The following CLN6 variants were observed in gnomAD, a reference collection of about 807,000 sequenced individuals.
CLN6 encodes the protein ceroid-lipofuscinosis neuronal protein 6.
Under a neutral mutation model 33.3 loss-of-function variants are expected in CLN6, and 22 were observed. The observed-to-expected ratio is 0.66, with a 90% CI of 0.47 to 0.94. The LOEUF (loss-of-function observed/expected upper bound fraction) is 0.94. CLN6 is among the 40% of genes least tolerant of loss of function. The pLI is 0.00. For missense variants in CLN6, 387 were observed against 417.1 expected (o/e 0.93, Z 0.63); for synonymous variants, 201 against 174.6 (o/e 1.15, Z -1.19).
In CLN6 at chr15:68,219,718, T is replaced by C. The variant is rs972515407; in HGVS notation, c.84-1068A>G. Among the ~76,000 whole-genome samples the C allele has an allele frequency of 1.3e-4, 20 of 151,918 alleles. No individual in the cohort carries two copies. The highest frequency in any genetic ancestry group is 4.4e-5 in the Non-Finnish European group (3 of 67,952). ...TCGAGAACAGGGGTGACCTTTAAGG[T>C]TCTCCCAACTCACCCACCTCCCTAT... On this transcript the variant is annotated intron_variant, in intron 1 of 6. Transcript: ENST00000249806. The surrounding 1 kb of genome is among the most constrained non-coding windows in gnomAD (Gnocchi z 4.2).
At chr15:68,231,607 C>T (rs1365119005), upstream of CLN6, among the ~76,000 whole-genome samples, 1 of 152,268 alleles carries the variant, frequency 6.6e-6, no homozygotes, top group African/African-American at 2.4e-5. Context: ...CCCATGATGT[C>T]ATCATCGATT....
chr15:68,231,208 T>A (rs1319715254), upstream of CLN6, among the ~76,000 whole-genome samples: 1 of 152,162 alleles, frequency 6.6e-6, no homozygotes, highest in Non-Finnish European at 1.5e-5. Flanking sequence ...TGGGAGTCAT[T>A]TTCCATCAGC....
Position 68,220,105 on chromosome 15 carries a change from C to T in CLN6, c.84-1455G>A, listed in dbSNP as rs1208306875. ...ATGATCCATACTGGCTGGTAGAGTA[C>T]CCCAGGACAGGGAGGCAAGCTCTTG... On this transcript the variant is annotated intron_variant, in intron 1 of 6. Coordinates refer to ENST00000249806, the MANE Select transcript of CLN6 (RefSeq NM_017882.3). This position sits in a 1 kb window ranked among gnomAD's most constrained non-coding sequence, Gnocchi z 4.2. Among the ~76,000 whole-genome samples the T allele has an allele frequency of 6.6e-6, 1 of 152,184 alleles. No individual in the cohort carries two copies. Among genetic ancestry groups the T allele is most frequent in the Non-Finnish European group, 1.5e-5 (1 of 68,028 alleles).
chr15:68,231,684 C>T (rs1387131470), upstream of CLN6, among the ~76,000 whole-genome samples: 4 of 152,244 alleles, frequency 2.6e-5, no homozygotes, highest in African/African-American at 9.6e-5. Context: ...GCCTCTCTAG[C>T]TCATTTAATC....
chr15:68,213,161 AT>A (rs2093210855), intron 3 of CLN6: 1 of 152,042 alleles, frequency 6.6e-6, no homozygotes, highest in Non-Finnish European at 1.5e-5. Context: ...ACCTCAAGTG[AT>A]CTGCCTGCCT....
rs1232407630 is a variant in CLN6, at chr15:68,214,092, T to C, written c.297+198A>G. 5 of 553,112 alleles carry C rather than the reference T, an allele frequency of 9.0e-6. 1 individual carries two copies. The highest frequency in any genetic ancestry group is 8.0e-5 in the South Asian group (4 of 49,784). The allele number at this position is 553,112 out of a possible 1,614,324, so 34.3% of individuals were successfully genotyped here. On this transcript the variant is annotated intron_variant, in intron 3 of 6. Coordinates refer to ENST00000249806, the MANE Select transcript of CLN6 (RefSeq NM_017882.3). ...ATCAAAAGCCCTTTCTTGGGGCATA[T>C]TTTCCATCCCTCCAGGCCACCGGCA...
chr15:68,242,553 TAAATA>T lies in CLN6; in HGVS notation c.179+14132_179+14136del, dbSNP rs1192287857. 6.6e-6 allele frequency among the ~76,000 whole-genome samples: 1 copy of T among 151,828 alleles called. No homozygotes were observed. The highest frequency in any genetic ancestry group is 1.9e-4 in the East Asian group (1 of 5,198). On this transcript the variant is annotated intron_variant, in intron 1 of 6. Coordinates refer to the CLN6 transcript ENST00000538696. This position sits in a 1 kb window ranked among gnomAD's most constrained non-coding sequence, Gnocchi z 5.0. ...GAGACTCCATCTCAAAATAAATAAA[TAAATA>T]AATAAGGAAAAGAAAAATAAGTGCT...
upstream of CLN6, chr15:68,257,129 G>A (rs1354469218): frequency 2.9e-6 from 1 of 348,268 alleles, no homozygotes; most frequent in Non-Finnish European, 5.2e-6. Context: ...CCGCCAGCGA[G>A]CGCACGGCAG....
chr15:68,244,835 C>T (rs1164734729), intron 1 of CLN6, among the ~76,000 whole-genome samples: 1 of 152,018 alleles, frequency 6.6e-6, no homozygotes, highest in Non-Finnish European at 1.5e-5. Flanking sequence ...GGGTGGATCA[C>T]TTGAGGTCAG....
In CLN6 at chr15:68,220,201, C is replaced by T. The variant is rs1471474338; in HGVS notation, c.84-1551G>A. On this transcript the variant is annotated intron_variant, in intron 1 of 6. Transcript: ENST00000249806. The surrounding 1 kb of genome is among the most constrained non-coding windows in gnomAD (Gnocchi z 4.2). ...CCTTCCCTAGGTCAGCTAAGTCTTC[C>T]TGTCCCCTCTACTCGGTATCTTCCA... is the stretch of plus-strand genomic sequence containing the variant. Among the ~76,000 whole-genome samples, 2 of 152,184 alleles carry T rather than the reference C, an allele frequency of 1.3e-5. No individual in the cohort carries two copies. Among genetic ancestry groups the T allele is most frequent in the Non-Finnish European group, 2.9e-5 (2 of 68,024 alleles).
chr15:68,218,938 G>A (rs920127396), intron 1 of CLN6, among the ~76,000 whole-genome samples: 4 of 152,198 alleles, frequency 2.6e-5, no homozygotes, highest in African/African-American at 9.6e-5. Context: ...AGGAAATCAA[G>A]AAAGGCAAAG....
chr15:68,221,635 C>A (rs532647847), intron 1 of CLN6, among the ~76,000 whole-genome samples: 1 of 152,364 alleles, frequency 6.6e-6, no homozygotes, highest in African/African-American at 2.4e-5. Context: ...AGATTACAGG[C>A]TCTGCCCGGC....
At position 68,208,386 on chromosome 15, in the gene CLN6, G is replaced by C. The variant is rs1280578239; in HGVS notation, c.690C>G (p.Ile230Met). The C allele has an allele frequency of 6.2e-7, 1 of 1,613,348 alleles. No homozygotes were observed. Among genetic ancestry groups the C allele is most frequent in the East Asian group, 2.2e-5 (1 of 44,872 alleles). The change falls in exon 7 of 7, where the codon ATC (isoleucine) becomes ATG (methionine). Residue 230 changes from isoleucine (I) to methionine (M), a missense_variant. Coordinates refer to ENST00000249806, the MANE Select transcript of CLN6 (RefSeq NM_017882.3). This position sits in a 1 kb window ranked among gnomAD's most constrained non-coding sequence, Gnocchi z 5.8. ...YYWYLVTEGQ[I>M]FILFIFTFFA... ...AGAAGGTGAAGATGAAGAGGATGAA[G>C]ATCTGGCCCTCGGTGACCAGGTACC...
At chr15:68,218,335 T>C in intron 2 of CLN6, 1 of 523,538 alleles carries the variant, frequency 1.9e-6, no homozygotes, top group Non-Finnish European at 3.6e-6. Flanking sequence ...GGGCAAAGTA[T>C]GACTCTTCAG....
chr15:68,218,897 T>C (rs111846370), intron 1 of CLN6, among the ~76,000 whole-genome samples: 23 of 152,250 alleles, frequency 1.5e-4, no homozygotes, highest in African/African-American at 4.6e-4. Flanking sequence ...ACAGGTGTAA[T>C]TGCTGGGGTT....
In CLN6 at chr15:68,214,273, G is replaced by A. The variant is rs967752328; in HGVS notation, c.297+17C>T. 6.3e-7 allele frequency: 1 copy of A among 1,585,594 alleles called. No individual in the cohort carries two copies. The highest frequency in any genetic ancestry group is 1.3e-5 in the African/African-American group (1 of 74,280). On this transcript the variant is annotated intron_variant, in intron 3 of 6. Coordinates refer to ENST00000249806, the MANE Select transcript of CLN6 (RefSeq NM_017882.3). ...GAATGGGGATGACAGGAGAGAGTGG[G>A]GGCCCTGGGACAGTACCTTGAGCAA... is the stretch of plus-strand genomic sequence containing the variant.
chr15:68,221,231 A>ACCCCCCCCC (rs1595822598), intron 1 of CLN6, among the ~76,000 whole-genome samples: 3 of 116,238 alleles, frequency 2.6e-5, no homozygotes, highest in Admixed American at 9.2e-5. Flanking sequence ...CCCTCCCCCA[A>ACCCCCCCCC]CCCTCCCCCT....
At chr15:68,254,074 T>TTTCA (rs369076436) in intron 1 of CLN6, among the ~76,000 whole-genome samples, 1,725 of 150,400 alleles carry the variant, frequency 0.011, 30 homozygotes, top group African/African-American at 0.04. Flanking sequence ...AGAGATGGGG[T>TTTCA]TTCACCGTGT....
In CLN6 at chr15:68,207,953, G is replaced by C; in HGVS notation, c.*187C>G. 1.6e-6 allele frequency: 1 copy of C among 618,060 alleles called. No individual in the cohort carries two copies. Among genetic ancestry groups the C allele is most frequent in the Non-Finnish European group, 2.8e-6 (1 of 352,228 alleles). 38.3% of individuals were successfully genotyped at this position (618,060 alleles called of 1,614,324 possible). On this transcript the variant is annotated 3_prime_UTR_variant, in exon 7 of 7. Coordinates refer to ENST00000249806, the MANE Select transcript of CLN6 (RefSeq NM_017882.3). ...GACGGAAATAGTAGAGTCTGAAAAT[G>C]ATGCACTCTGCGCACACATATACAA...
Sources: allele counts gnomAD v4.1 joint callset (sites outside exome capture counted in the v4.1 genomes callset), GRCh38; gene constraint gnomAD v4.1.1; non-coding constraint Gnocchi (gnomAD v3.1); transcripts MANE v1.5; gene names NCBI Gene and HGNC (gene_info 2026-07-23, HGNC 2026-07-21).